PPFIA2: variants seen among roughly 807,000 people sequenced by gnomAD.
The protein encoded by PPFIA2 is liprin-alpha-2.
Under a neutral mutation model 175.5 loss-of-function variants are expected in PPFIA2, and 46 were observed. The ratio of observed to expected loss-of-function variants is 0.26; its 90% confidence interval spans 0.21 to 0.34. PPFIA2 has a LOEUF of 0.34. Ranked by LOEUF, PPFIA2 falls within the 10% of genes least tolerant of loss-of-function variation. PPFIA2 has a pLI of 1.00. For missense variants in PPFIA2, 1,179 were observed against 1,506.1 expected (o/e 0.78, Z 3.60); for synonymous variants, 568 against 511.4 (o/e 1.11, Z -1.49).
At chr12:81,521,584 G>A (rs936433073) in intron 4 of PPFIA2, among the ~76,000 whole-genome samples, 6 of 150,946 alleles carry the variant, frequency 4.0e-5, no homozygotes, top group East Asian at 1.9e-4. Flanking sequence ...TTGGGACGCC[G>A]AGGCGGGCAG....
intron 4 of PPFIA2, among the ~76,000 whole-genome samples, chr12:81,470,831 G>C (rs2056595504): frequency 6.6e-6 from 1 of 152,104 alleles, no homozygotes; most frequent in African/African-American, 2.4e-5. Flanking sequence ...AAGGCACTAT[G>C]TTGATCAGTA....
intron 3 of PPFIA2, among the ~76,000 whole-genome samples, chr12:81,717,548 C>T (rs991972414): frequency 1.3e-5 from 2 of 151,638 alleles, no homozygotes; most frequent in African/African-American, 4.8e-5. Context: ...ATATGACTAT[C>T]TTCACCCAGA....
chr12:81,635,816 C>G (rs1042821103), intron 4 of PPFIA2, among the ~76,000 whole-genome samples: 3 of 152,098 alleles, frequency 2.0e-5, no homozygotes, highest in Non-Finnish European at 4.4e-5. Flanking sequence ...GTCACAAACT[C>G]TCTCAGATCA....
At chr12:81,655,319 T>C (rs190542699) in intron 4 of PPFIA2, among the ~76,000 whole-genome samples, 12 of 151,894 alleles carry the variant, frequency 7.9e-5, no homozygotes, top group Non-Finnish European at 1.3e-4. Flanking sequence ...CTAACACCAT[T>C]ATTTTTTTCT....
intron 4 of PPFIA2, among the ~76,000 whole-genome samples, chr12:81,580,115 C>T (rs1567425262): frequency 6.6e-6 from 1 of 151,748 alleles, no homozygotes; most frequent in Admixed American, 6.6e-5. Context: ...CAAAGTATTT[C>T]ATTTAAATAT....
At chr12:81,655,922 T>C (rs181107149) in intron 4 of PPFIA2, among the ~76,000 whole-genome samples, 225 of 152,180 alleles carry the variant, frequency 1.5e-3, no homozygotes, top group African/African-American at 5.2e-3. Flanking sequence ...AATTTTTGTA[T>C]GTATATTTTA....
chr12:81,394,971 T>C (rs1305156988), intron 8 of PPFIA2, among the ~76,000 whole-genome samples: 2 of 152,068 alleles, frequency 1.3e-5, no homozygotes, highest in African/African-American at 4.8e-5. Context: ...AGCATTATTA[T>C]TAAAGTCTAT....
intron 22 of PPFIA2, among the ~76,000 whole-genome samples, chr12:81,324,785 C>G (rs1297203140): frequency 6.6e-6 from 1 of 151,676 alleles, no homozygotes; most frequent in Non-Finnish European, 1.5e-5. Context: ...TCATTTTTTT[C>G]TGGACAATAT....
chr12:81,541,040 G>T (rs1370416542), intron 4 of PPFIA2, among the ~76,000 whole-genome samples: 1 of 151,924 alleles, frequency 6.6e-6, no homozygotes, highest in African/African-American at 2.4e-5. Flanking sequence ...TACATAGGTA[G>T]ATACTCATAA....
At chr12:81,299,150 T>C (rs2047203458) in intron 23 of PPFIA2, 151 bp downstream of exon 23, 1 of 1,050,788 alleles carries the variant, frequency 9.5e-7, no homozygotes, top group East Asian at 2.7e-5. Context: ...CATAAAATCA[T>C]AAATTTATTC....
intron 3 of PPFIA2, among the ~76,000 whole-genome samples, chr12:81,738,513 T>C (rs1185548786): frequency 6.6e-6 from 1 of 151,930 alleles, no homozygotes; most frequent in Non-Finnish European, 1.5e-5. Flanking sequence ...TTTCACATCC[T>C]ACACATGGAA....
intron 3 of PPFIA2, among the ~76,000 whole-genome samples, chr12:81,731,519 G>A (rs1596978420): frequency 6.6e-6 from 1 of 151,614 alleles, no homozygotes; most frequent in East Asian, 2.0e-4. Flanking sequence ...TTTCACAAAA[G>A]AGCCTTACTG....
At chr12:81,422,140 G>GTA (rs1189008568) in intron 7 of PPFIA2, among the ~76,000 whole-genome samples, 1 of 65,880 alleles carries the variant, frequency 1.5e-5, no homozygotes, top group Non-Finnish European at 2.5e-5. Flanking sequence ...ATATATATGT[G>GTA]TATATATATG....
rs138143011 is a variant in PPFIA2, at chr12:81,356,536, G to A, written c.1773+1546C>T. On this transcript the variant is annotated intron_variant, in intron 16 of 32. Coordinates refer to ENST00000549396, the MANE Select transcript of PPFIA2 (RefSeq NM_003625.5). The stretch of plus-strand genomic sequence containing the variant: ...AAATTAGCTGGGCATAGTGGTGCCC[G>A]CTTGTGGTCCCAGCTACTTGGGAGG... 3.6e-3 allele frequency among the ~76,000 whole-genome samples: 554 copies of A among 152,064 alleles called. 8 individuals carry two copies. The highest frequency in any genetic ancestry group is 0.013 in the African/African-American group (521 of 41,492).
chr12:81,439,905 G>T, intron 7 of PPFIA2, 67 bp downstream of exon 7: 4 of 1,250,590 alleles, frequency 3.2e-6, no homozygotes, highest in Non-Finnish European at 4.6e-6. Context: ...TAAAAGTGAC[G>T]TGAAACACAA....
intron 8 of PPFIA2, among the ~76,000 whole-genome samples, chr12:81,395,365 ACAATAGAGG>A (rs762675903): frequency 2.8e-4 from 43 of 152,190 alleles, no homozygotes; most frequent in Non-Finnish European, 5.3e-4. Flanking sequence ...AAAACAGTAT[ACAATAGAGG>A]CAATAACTTC....
chr12:81,426,105 G>A (rs952603948), intron 7 of PPFIA2, among the ~76,000 whole-genome samples: 3 of 152,146 alleles, frequency 2.0e-5, no homozygotes, highest in African/African-American at 7.2e-5. Flanking sequence ...GATTTAGGGA[G>A]CTTTCTCTCC....
intron 4 of PPFIA2, among the ~76,000 whole-genome samples, chr12:81,465,598 T>C (rs1173012871): frequency 2.0e-5 from 3 of 152,204 alleles, no homozygotes; most frequent in East Asian, 3.8e-4. Context: ...CAATTCTATT[T>C]GTAATACTCA....
intron 7 of PPFIA2, among the ~76,000 whole-genome samples, chr12:81,438,050 C>T (rs1280063173): frequency 6.6e-6 from 1 of 151,956 alleles, no homozygotes; most frequent in Non-Finnish European, 1.5e-5. Flanking sequence ...CACTACTAGC[C>T]TTTAATTCAC....
Sources: gnomAD v4.1 joint callset for allele counts (sites outside exome capture counted in the v4.1 genomes callset) on GRCh38, gnomAD v4.1.1 for gene constraint, MANE v1.5 for transcripts, NCBI Gene and HGNC (gene_info 2026-07-23, HGNC 2026-07-21) for gene names.